Variants in USP28 observed in about 807,000 individuals in gnomAD.
The protein encoded by USP28 is ubiquitin carboxyl-terminal hydrolase 28.
A neutral mutation model predicts 145.0 loss-of-function variants in USP28; 113 were observed. That is an observed-to-expected ratio of 0.78 (90% CI 0.67 to 0.91). The LOEUF is 0.91. Among genes scored for constraint, USP28 ranks in the 40% least tolerant of loss-of-function variants. The pLI is 0.00. For missense variants in USP28, 1,201 were observed against 1,289.6 expected (o/e 0.93, Z 1.05); for synonymous variants, 447 against 450.9 (o/e 0.99, Z 0.11).
At chr11:113,805,929 C>CT (rs927739247) in intron 19 of USP28, among the ~76,000 whole-genome samples, 20 of 151,360 alleles carry the variant, frequency 1.3e-4, no homozygotes, top group Admixed American at 2.0e-4. Flanking sequence ...TCACAGAAGA[C>CT]TTTTTTTTTA....
intron 8 of USP28, 123 bp from the exon 9 acceptor site, chr11:113,831,066 G>A (rs545055371): frequency 2.3e-6 from 2 of 871,934 alleles, no homozygotes; most frequent in Non-Finnish European, 3.8e-6. Context: ...AGCCAGGTAT[G>A]ATCTAAATAA....
chr11:113,833,235 ACT>A (rs1368973556), intron 7 of USP28, among the ~76,000 whole-genome samples, 183 bp downstream of exon 7: 1 of 152,090 alleles, frequency 6.6e-6, no homozygotes, highest in African/African-American at 2.4e-5. Context: ...ACACACGCAC[ACT>A]CTCTCACACA....
intron 7 of USP28, among the ~76,000 whole-genome samples, chr11:113,832,253 G>A (rs45447199): frequency 0.12 from 18,102 of 152,074 alleles, 1,085 homozygotes; most frequent in Middle Eastern, 0.17. Context: ...GGGATTACAG[G>A]CACATGCCAC....
Position 113,808,437 on chromosome 11 carries a change from T to C in USP28, c.2165A>G (p.Glu722Gly), listed in dbSNP as rs145072399. 95 of 1,613,746 alleles carry C rather than the reference T, an allele frequency of 5.9e-5. No homozygotes were observed. Among genetic ancestry groups the C allele is most frequent in the Non-Finnish European group, 7.8e-5 (92 of 1,179,972 alleles). ...CCCATGAGAAGAGGCTACTGAAGGCTCTGATAAAGAATTGAACAAAGGTCT... is the reference window on the plus strand; with the variant it reads ...CCCATGAGAAGAGGCTACTGAAGGCCCTGATAAAGAATTGAACAAAGGTCT... Residue 722 changes from glutamate to glycine, a missense_variant and splice_region_variant, in exon 18 of 25, where the codon GAG becomes GGG. Physicochemically the swap from Glu to Gly is moderately conservative, Grantham distance 98 (BLOSUM62 -2). Transcript: ENST00000003302.
At chr11:113,867,834 G>A (rs1439101128) in intron 1 of USP28, among the ~76,000 whole-genome samples, 4 of 95,838 alleles carry the variant, frequency 4.2e-5, no homozygotes, top group Non-Finnish European at 7.8e-5. Flanking sequence ...AGGGAGGGAG[G>A]AAGAAAGGGA....
chr11:113,827,436 T>C, intron 10 of USP28, 76 bp from the exon 11 acceptor site: 1 of 1,442,560 alleles, frequency 6.9e-7, no homozygotes, highest in South Asian at 1.4e-5. Context: ...TTAAAATATC[T>C]CTCATTAAAG....
chr11:113,833,837 G>A (rs1324754428), intron 6 of USP28, among the ~76,000 whole-genome samples: 1 of 152,154 alleles, frequency 6.6e-6, no homozygotes, highest in Non-Finnish European at 1.5e-5. Context: ...ATTGCGCCAA[G>A]GTGAAATCCT....
In USP28 at chr11:113,809,193, C is replaced by CTTGA; in HGVS notation, c.2030_2033dup (p.Lys678AsnfsTer9). On this transcript the variant is annotated frameshift_variant, in exon 17 of 25. Transcript: ENST00000003302. LOFTEE classifies it high-confidence loss of function. ...GCCAGTTATCCTCCTGAATGTAATGCTTGAGTTCCACAGATAGGGCTTCCA... is the reference window on the plus strand; with the variant it reads ...GCCAGTTATCCTCCTGAATGTAATGCTTGATTGAGTTCCACAGATAGGGCTTCCA... 1 of 1,614,218 alleles carries CTTGA rather than the reference C, an allele frequency of 6.2e-7. No individual in the cohort carries two copies. Among genetic ancestry groups the CTTGA allele is most frequent in the Non-Finnish European group, 8.5e-7 (1 of 1,180,038 alleles).
intron 18 of USP28, 73 bp from the exon 20 acceptor site, chr11:113,806,657 G>A (rs1565332002): frequency 1.8e-6 from 2 of 1,121,078 alleles, no homozygotes; most frequent in South Asian, 3.2e-5. Context: ...TATGAAAGCA[G>A]GCTGAACAGA....
At chr11:113,801,705 G>C in intron 23 of USP28, 27 bp from the exon 25 acceptor site, 9 of 1,527,954 alleles carry the variant, frequency 5.9e-6, no homozygotes, top group Non-Finnish European at 8.0e-6. Flanking sequence ...GAATTAGGTG[G>C]GGAAGAGTCT....
chr11:113,826,337 A>T (rs1481397061), intron 11 of USP28, among the ~76,000 whole-genome samples: 844 of 50,780 alleles, frequency 0.017, 18 homozygotes, highest in African/African-American at 0.06. Flanking sequence ...CACCACACCC[A>T]TTTTTTTTTT....
intron 16 of USP28, among the ~76,000 whole-genome samples, chr11:113,811,047 A>G (rs753328133): frequency 4.6e-5 from 7 of 152,258 alleles, no homozygotes; most frequent in Non-Finnish European, 8.8e-5. Context: ...TCTTACTTAT[A>G]AAATGTTCAT....
At chr11:113,802,593 T>C (rs1939231100) in intron 23 of USP28, among the ~76,000 whole-genome samples, 2 of 152,292 alleles carry the variant, frequency 1.3e-5, no homozygotes, top group East Asian at 3.9e-4. Context: ...TTCCATGTAG[T>C]TATACAGTGC....
At chr11:113,842,271 T>TA (rs561523485) in intron 3 of USP28, among the ~76,000 whole-genome samples, 9,779 of 144,878 alleles carry the variant, frequency 0.067, 339 homozygotes, top group African/African-American at 0.085. Context: ...CCCAATAATA[T>TA]AAAAAAAAAA....
intron 1 of USP28, among the ~76,000 whole-genome samples, chr11:113,869,320 T>C (rs1394128628): frequency 6.6e-6 from 1 of 152,122 alleles, no homozygotes; most frequent in African/African-American, 2.4e-5. Context: ...TCCCAGCTAC[T>C]TGGGAGGCAG....
intron 1 of USP28, among the ~76,000 whole-genome samples, chr11:113,855,540 T>G (rs567056250): frequency 6.6e-6 from 1 of 152,310 alleles, no homozygotes; most frequent in East Asian, 1.9e-4. Context: ...AGAAACAGTA[T>G]CTTATGTTCT....
At chr11:113,858,654 G>T (rs2428007) in intron 1 of USP28, among the ~76,000 whole-genome samples, 1 of 152,148 alleles carries the variant, frequency 6.6e-6, no homozygotes, top group South Asian at 2.1e-4. Context: ...CTGTCACCCA[G>T]GCTGGAGCGC....
At chr11:113,819,701 A>G (rs1221159983) in intron 12 of USP28, among the ~76,000 whole-genome samples, 1 of 152,218 alleles carries the variant, frequency 6.6e-6, no homozygotes, top group African/African-American at 2.4e-5. Context: ...TTGGTTTACC[A>G]AGATAAAGAC....
intron 19 of USP28, among the ~76,000 whole-genome samples, chr11:113,805,873 C>T (rs568047118): frequency 6.6e-4 from 101 of 152,256 alleles, no homozygotes; most frequent in Non-Finnish European, 1.2e-3. Flanking sequence ...GAGAAGTGAA[C>T]AGCTTGTTCA....
Sources: allele counts gnomAD v4.1 joint callset (sites outside exome capture counted in the v4.1 genomes callset), GRCh38; gene constraint gnomAD v4.1.1; transcripts MANE v1.5; gene names NCBI Gene and HGNC (gene_info 2026-07-23, HGNC 2026-07-21).